The following TTLL12 variants were observed in gnomAD, a reference collection of about 807,000 sequenced individuals.
TTLL12 encodes the protein tubulin tyrosine ligase like 12.
Under a neutral mutation model 79.6 loss-of-function variants are expected in TTLL12, and 77 were observed. That is an observed-to-expected ratio of 0.97 (90% CI 0.81 to 1.17). The LOEUF is 1.17. Ranked by LOEUF, TTLL12 falls within the 50% of genes most tolerant of loss-of-function variation. The probability of loss-of-function intolerance (pLI) is 0.00; values close to 1 mark genes in which losing one functional copy is unlikely to be tolerated. For missense variants in TTLL12, 969 were observed against 895.9 expected, an observed-to-expected ratio of 1.08 and a Z score of -1.04; for synonymous variants, 437 against 376.1, an observed-to-expected ratio of 1.16 and a Z score of -1.87.
At chr22:43,175,610 C>T (rs1244357284) in intron 6 of TTLL12, 1 of 152,206 alleles carries the variant, frequency 6.6e-6, no homozygotes, top group Non-Finnish European at 1.5e-5. Flanking sequence ...CCAGGGGGCC[C>T]TTTACCCACT....
At chr22:43,168,247 A>G (rs1931669078) in intron 13 of TTLL12, 88 bp from the exon 14 acceptor site, 7 of 1,538,602 alleles carry the variant, frequency 4.5e-6, no homozygotes, top group African/African-American at 2.7e-5. Context: ...AAAGGCTGGG[A>G]GGCCATGAAC....
Position 43,174,374 on chromosome 22 carries a change from A to G in TTLL12, c.1064T>C (p.Leu355Pro), listed in dbSNP as rs755310999. ...GTTCTCGCAGGGGAACTGGTTCAGCAGCACGCCTGGCCTCTCCTGGCTGAG... is the reference window on the plus strand; with the variant it reads ...GTTCTCGCAGGGGAACTGGTTCAGCGGCACGCCTGGCCTCTCCTGGCTGAG... The part of the protein sequence containing the change: ...RKLSQERPGV[L>P]LNQFPCENLL... Residue 355 changes from leucine to proline, a missense_variant, in exon 8 of 14, where the codon CTG (leucine) becomes CCG (proline). Coordinates refer to ENST00000216129, the MANE Select transcript of TTLL12 (RefSeq NM_015140.4). 7 of 1,577,920 alleles carry G rather than the reference A, an allele frequency of 4.4e-6. No homozygotes were observed. The highest frequency in any genetic ancestry group is 6.0e-6 in the Non-Finnish European group (7 of 1,157,926).
In TTLL12 at chr22:43,177,647, C is replaced by T. The variant is rs535960125; in HGVS notation, c.841-1251G>A. ...CACTCTTATGGAGAGGCCCACAAGG[C>T]AGGGAGCCCAGGCCTGCTGCCAACA... On this transcript the variant is annotated intron_variant, in intron 5 of 13. Transcript: ENST00000216129. 7.2e-5 allele frequency among the ~76,000 whole-genome samples: 11 copies of T among 152,324 alleles called. No individual in the cohort carries two copies. The South Asian group carries it at 2.3e-3, about 32-fold the overall frequency.
chr22:43,174,778 C>T (rs918521483), intron 6 of TTLL12, among the ~76,000 whole-genome samples, 163 bp from the exon 7 acceptor site: 22 of 152,182 alleles, frequency 1.4e-4, no homozygotes, highest in Admixed American at 9.8e-4. Flanking sequence ...GTTCAGACCC[C>T]GCTCCCTCCA....
At chr22:43,169,037 C>A (rs1453760529) in intron 12 of TTLL12, 125 bp from the exon 13 acceptor site, 3 of 1,281,120 alleles carry the variant, frequency 2.3e-6, no homozygotes, top group Non-Finnish European at 3.1e-6. Flanking sequence ...ATCTTCACGT[C>A]TCTAGACCTC....
intron 11 of TTLL12, chr22:43,169,946 C>A (rs555293465): frequency 2.2e-6 from 1 of 453,056 alleles, no homozygotes; most frequent in Non-Finnish European, 4.4e-6. Context: ...CAGTACAGTG[C>A]GAAGGAGGCA....
intron 1 of TTLL12, among the ~76,000 whole-genome samples, chr22:43,183,662 TC>T (rs1230528500): frequency 6.6e-6 from 1 of 152,036 alleles, no homozygotes; most frequent in African/African-American, 2.4e-5. Context: ...CCCCACCCAA[TC>T]CAGGCCAACA....
Position 43,167,304 on chromosome 22 carries a change from T to C in TTLL12, c.*704A>G, listed in dbSNP as rs755485806. The C allele has an allele frequency of 6.8e-6, 3 of 439,250 alleles. No individual in the cohort carries two copies. The highest frequency in any genetic ancestry group is 1.4e-5 in the Non-Finnish European group (3 of 215,388). The allele number at this position is 439,250 out of a possible 1,614,324, so 27.2% of individuals were successfully genotyped here. A position where few individuals can be genotyped will look rare whatever the true frequency, so the allele number is the denominator to read the frequency against. On this transcript the variant is annotated 3_prime_UTR_variant, in exon 14 of 14. Transcript: ENST00000216129. ...CTGGGAAGACAGATACTGATTTCCC[T>C]GTTGGGGTCTGTGACCCTCAGCAAA...
chr22:43,168,785 T>C lies in TTLL12; in HGVS notation c.1772A>G (p.Asn591Ser). The C allele has an allele frequency of 6.4e-7, 1 of 1,561,578 alleles. No individual in the cohort carries two copies. The highest frequency in any genetic ancestry group is 1.2e-5 in the South Asian group (1 of 84,852). Residue 591 changes from asparagine to serine, a missense_variant, in exon 13 of 14, where the codon AAC (asparagine) becomes AGC (serine). Physicochemically the swap from Asn to Ser is conservative, Grantham distance 46. Transcript: ENST00000216129. ...YAVDLMLKWD[N>S]GPDGRRVMQP... is the part of the protein sequence containing the mutation. ...GGAGCCCCTCTTACCATCTGGGCCG[T>C]TGTCCCACTTCAGCATGAGGTCGAC...
intron 5 of TTLL12, among the ~76,000 whole-genome samples, chr22:43,177,956 T>C (rs1345476890): frequency 6.6e-6 from 1 of 152,226 alleles, no homozygotes; most frequent in Non-Finnish European, 1.5e-5. Flanking sequence ...AAAACAAGGA[T>C]GCGTGGCCTT....
intron 11 of TTLL12, among the ~76,000 whole-genome samples, chr22:43,170,512 CCA>C (rs1460236951): frequency 6.6e-6 from 1 of 152,214 alleles, no homozygotes; most frequent in East Asian, 1.9e-4. Context: ...CCAATCGCCG[CCA>C]CAGTTAGCAA....
Position 43,183,067 on chromosome 22 carries a change from C to T in TTLL12, c.260G>A (p.Arg87Gln), listed in dbSNP as rs145807587. Residue 87 changes from arginine to glutamine, a missense_variant, in exon 2 of 14, where the codon CGG (arginine) becomes CAG (glutamine). By Grantham distance (43) the Arg-to-Gln change is conservative. Coordinates refer to ENST00000216129, the MANE Select transcript of TTLL12 (RefSeq NM_015140.4). The part of the protein sequence containing the change: ...EEEDEAAREV[R>Q]KQQPNPGNEL... ...GTTCCCCGGGTTGGGCTGCTGCTTC[C>T]GCACCTCCCGGGCTGCCTCGTCCTC... is the stretch of plus-strand genomic sequence containing the variant. 76 of 1,613,902 alleles carry T rather than the reference C, an allele frequency of 4.7e-5. No individual in the cohort carries two copies. The highest frequency in any genetic ancestry group is 3.3e-4 in the Middle Eastern group (2 of 6,084).
At chr22:43,170,165 T>G in intron 11 of TTLL12, 1 of 345,144 alleles carries the variant, frequency 2.9e-6, no homozygotes. Context: ...TGGACGTACC[T>G]CCCCAGGCAC....
At position 43,180,857 on chromosome 22, in the gene TTLL12, C is replaced by T. The variant is rs146339492; in HGVS notation, c.431G>A (p.Arg144His). The part of the protein sequence containing the change: ...QLQQVPGLLH[R>H]MANLMGIEFH... Reference sequence around the variant, plus strand: ...CTCAATGCCCATCAGGTTGGCCATGCGGTGCAGCAGCCCGGGCACCTGCTG... The same window carrying T: ...CTCAATGCCCATCAGGTTGGCCATGTGGTGCAGCAGCCCGGGCACCTGCTG... Residue 144 changes from arginine (R) to histidine (H), a missense_variant, in exon 3 of 14, where the codon CGC (arginine) becomes CAC (histidine). Coordinates refer to ENST00000216129, the MANE Select transcript of TTLL12 (RefSeq NM_015140.4). The T allele has an allele frequency of 2.1e-5, 34 of 1,613,046 alleles. No individual in the cohort carries two copies. The highest frequency in any genetic ancestry group is 1.7e-4 in the Middle Eastern group (1 of 6,050).
intron 5 of TTLL12, among the ~76,000 whole-genome samples, chr22:43,179,313 G>A (rs1931991623): frequency 6.6e-6 from 1 of 152,168 alleles, no homozygotes. Context: ...AGGGGGCTGA[G>A]TGGGGCTCAT....
At chr22:43,185,249 A>ATC (rs1226507646) in intron 1 of TTLL12, among the ~76,000 whole-genome samples, 3 of 298 alleles carry the variant, frequency 0.01, no homozygotes, top group Non-Finnish European at 0.015. Flanking sequence ...GAAAAAAATT[A>ATC]TATATATATA....
intron 1 of TTLL12, 112 bp from the exon 2 acceptor site, chr22:43,183,261 T>C (rs1932104489): frequency 7.4e-7 from 1 of 1,348,082 alleles, no homozygotes. Flanking sequence ...AAGGACAAAC[T>C]TGTCTCCTTC....
rs1478973094 is a variant in TTLL12 at position 43,176,287 on chromosome 22, T to TC, written c.917+32dup. Reference sequence around the variant, plus strand: ...ATGGGAGGCGGGGACTGCGGACAAGTCCCAGCCCAAGCAGTGGGGGGGGGC... The same window carrying TC: ...ATGGGAGGCGGGGACTGCGGACAAGTCCCCAGCCCAAGCAGTGGGGGGGGGC... On this transcript the variant is annotated intron_variant, in intron 6 of 13. Transcript: ENST00000216129. 5 of 1,506,544 alleles carry TC rather than the reference T, an allele frequency of 3.3e-6. No homozygotes were observed. In the African/African-American group the frequency reaches 5.5e-5, roughly 17 times the overall value. The allele number at this position is 1,506,544 out of a possible 1,614,324, so 93.3% of individuals were successfully genotyped here.
chr22:43,185,837 A>G (rs1932170120), intron 1 of TTLL12: 1 of 517,918 alleles, frequency 1.9e-6, no homozygotes, highest in Non-Finnish European at 2.5e-6. Flanking sequence ...GTCCTCATGA[A>G]CAAACCAAGG....
Sources: allele counts gnomAD v4.1 joint callset (sites outside exome capture counted in the v4.1 genomes callset), GRCh38; gene constraint gnomAD v4.1.1; transcripts MANE v1.5; gene names NCBI Gene and HGNC (gene_info 2026-07-23, HGNC 2026-07-21).